Variants in HDHD2 observed in about 807,000 individuals in gnomAD.
HDHD2 encodes haloacid dehalogenase like hydrolase domain containing 2.
Under a neutral mutation model 24.8 loss-of-function variants are expected in HDHD2, and 26 were observed. The observed-to-expected ratio is 1.05, with a 90% CI of 0.77 to 1.45. The LOEUF (loss-of-function observed/expected upper bound fraction) is 1.45. Among genes scored for constraint, HDHD2 ranks in the 40% most tolerant of loss-of-function variants. HDHD2 has a pLI of 0.00. For synonymous variants in HDHD2, 128 were observed against 114.9 expected (o/e 1.11, Z -0.73); for missense variants, 299 against 313.4 (o/e 0.95, Z 0.35).
At chr18:47,134,192 TCAAA>T (rs1365145518) in intron 3 of HDHD2, among the ~76,000 whole-genome samples, 1 of 152,148 alleles carries the variant, frequency 6.6e-6, no homozygotes. Flanking sequence ...AGCATCATAA[TCAAA>T]CAATCAAACC....
rs1239085552 is a variant in HDHD2 at position 47,115,218 on chromosome 18, C to T, written c.526G>A (p.Val176Ile). Residue 176 changes from valine to isoleucine, a missense_variant, in exon 5 of 7, where the codon GTC (valine) becomes ATC (isoleucine). Coordinates refer to ENST00000300605, the MANE Select transcript of HDHD2 (RefSeq NM_032124.5). The part of the protein sequence containing the change: ...LEYATDTKAT[V>I]VGKPEKTFFL... ...AACGTCTTCTCTGGTTTCCCCACGA[C>T]TGTGGCTTTGGTATCTGTGGCATAC... 10 of 1,614,084 alleles carry T rather than the reference C, an allele frequency of 6.2e-6. 1 individual carries two copies. In the Admixed American group the frequency reaches 1.7e-4, roughly 27 times the overall value.
intron 6 of HDHD2, chr18:47,110,785 A>G (rs1599919039): frequency 2.1e-5 from 21 of 985,016 alleles, no homozygotes; most frequent in Non-Finnish European, 2.5e-5. Flanking sequence ...TTGATGATAT[A>G]TGAAGGCAAA....
At chr18:47,127,076 G>T (rs1448452464) in intron 4 of HDHD2, among the ~76,000 whole-genome samples, 1 of 152,064 alleles carries the variant, frequency 6.6e-6, no homozygotes, top group African/African-American at 2.4e-5. Context: ...CAGGAGAATG[G>T]CATGAACCCG....
chr18:47,131,394 G>A lies in HDHD2; in HGVS notation c.311-1066C>T, dbSNP rs1361267378. ...AGGCTTTCCAACTTCCTCCTTACCA[G>A]TAGCCATGAGTATTCTCCAGTAGTT... On this transcript the variant is annotated intron_variant, in intron 3 of 6. Coordinates refer to ENST00000300605, the MANE Select transcript of HDHD2 (RefSeq NM_032124.5). Among the ~76,000 whole-genome samples, 3 of 152,228 alleles carry A rather than the reference G, an allele frequency of 2.0e-5. No individual in the cohort carries two copies. In the East Asian group the frequency reaches 5.8e-4, roughly 29 times the overall value.
In HDHD2 at chr18:47,115,266, C is replaced by A. The variant is rs779781878; in HGVS notation, c.478G>T (p.Gly160Ter). ...TACTCTAAAGCAGTCACAAATGGTC[C>A]AGGCCCCAGGGCTAAGCCATCTTTC... ...KRKDGLALGP[G>*]PFVTALEYAT... Residue 160 changes from glycine to a stop codon, truncating the protein, a stop_gained, in exon 5 of 7, where the codon GGA becomes TGA. Coordinates refer to ENST00000300605, the MANE Select transcript of HDHD2 (RefSeq NM_032124.5). LOFTEE classifies it high-confidence loss of function. The A allele has an allele frequency of 1.2e-6, 2 of 1,613,948 alleles. No individual in the cohort carries two copies. Among genetic ancestry groups the A allele is most frequent in the Non-Finnish European group, 1.7e-6 (2 of 1,179,952 alleles).
At chr18:47,144,202 A>C (rs1420761971) in intron 1 of HDHD2, among the ~76,000 whole-genome samples, 1 of 152,186 alleles carries the variant, frequency 6.6e-6, no homozygotes, top group Non-Finnish European at 1.5e-5. Context: ...TTGGCTCCAA[A>C]CGTATCTGTC....
intron 1 of HDHD2, among the ~76,000 whole-genome samples, chr18:47,147,763 A>T (rs1235788629): frequency 6.6e-6 from 1 of 152,178 alleles, no homozygotes; most frequent in Non-Finnish European, 1.5e-5. Flanking sequence ...AAAACATTTT[A>T]AAAGCCTATA....
At chr18:47,122,414 T>A (rs1036386910) in intron 4 of HDHD2, among the ~76,000 whole-genome samples, 1 of 152,160 alleles carries the variant, frequency 6.6e-6, no homozygotes, top group Non-Finnish European at 1.5e-5. Context: ...CCCTGGCCTC[T>A]ACCCATCATG....
At chr18:47,144,235 CT>C (rs1195752564) in intron 1 of HDHD2, among the ~76,000 whole-genome samples, 3 of 152,142 alleles carry the variant, frequency 2.0e-5, no homozygotes, top group Non-Finnish European at 4.4e-5. Context: ...CTTAAGTTAT[CT>C]TTTTCCCCAT....
At chr18:47,146,347 C>T (rs1183714226) in intron 1 of HDHD2, among the ~76,000 whole-genome samples, 1 of 151,946 alleles carries the variant, frequency 6.6e-6, no homozygotes, top group Non-Finnish European at 1.5e-5. Flanking sequence ...CACCAACCTA[C>T]AGATGGGCAA....
rs1479918220 is a variant in HDHD2 at position 47,115,131 on chromosome 18, C to T, written c.612+1G>A. The T allele has an allele frequency of 6.2e-7, 1 of 1,610,754 alleles. No homozygotes were observed. The highest frequency in any genetic ancestry group is 8.5e-7 in the Non-Finnish European group (1 of 1,177,846). On this transcript the variant is annotated splice_donor_variant, in intron 5 of 6. Transcript: ENST00000300605. LOFTEE classifies it high-confidence loss of function. The stretch of plus-strand genomic sequence containing the variant: ...AGCACCTCCTGGGTTCTTCTACTTA[C>T]ATCTCCTATCATGACAGCCTCCTCA...
intron 1 of HDHD2, among the ~76,000 whole-genome samples, chr18:47,144,815 G>A (rs1416835112): frequency 3.7e-4 from 47 of 127,896 alleles, no homozygotes; most frequent in South Asian, 5.1e-4. Flanking sequence ...AAAAAAAAAA[G>A]AAAAGAAAAG....
At position 47,134,517 on chromosome 18, in the gene HDHD2, G is replaced by C. The variant is rs777943774; in HGVS notation, c.289C>G (p.Arg97Gly). ...QVRPMLLVDDRALPDFKGIQT... is the reference protein window; with the variant it reads ...QVRPMLLVDDGALPDFKGIQT... ...CTACCTTTGAAATCAGGTAGTGCCC[G>C]ATCATCAACTAGCAGCATGGGTCTG... Residue 97 changes from arginine to glycine, a missense_variant, in exon 3 of 7, where the codon CGG becomes GGG. Transcript: ENST00000300605. 2.7e-5 allele frequency: 44 copies of C among 1,613,786 alleles called. No individual in the cohort carries two copies. The highest frequency in any genetic ancestry group is 3.4e-5 in the Non-Finnish European group (40 of 1,179,848).
rs566618987 is a variant in HDHD2, at chr18:47,134,496, C to G, written c.310G>C (p.Gly104Arg). 7 of 1,611,702 alleles carry G rather than the reference C, an allele frequency of 4.3e-6. No individual in the cohort carries two copies. Among genetic ancestry groups the G allele is most frequent in the South Asian group, 1.1e-5 (1 of 90,756 alleles). Residue 104 changes from glycine (G) to arginine (R), a missense_variant and splice_region_variant, in exon 3 of 7, where the codon GGA becomes CGA. Gly to Arg is a moderately radical substitution (Grantham distance 125). Transcript: ENST00000300605. ...VDDRALPDFKGIQTSDPNAVV... is the reference protein window; with the variant it reads ...VDDRALPDFKRIQTSDPNAVV... ...TTTAAATTTTCCAAATTTCCCCTAC[C>G]TTTGAAATCAGGTAGTGCCCGATCA...
In HDHD2 at chr18:47,137,721, T is replaced by C. The variant is rs191987780; in HGVS notation, c.-10-1272A>G. 5.9e-5 allele frequency among the ~76,000 whole-genome samples: 9 copies of C among 152,284 alleles called. No homozygotes were observed. The East Asian group carries it at 1.5e-3, about 26-fold the overall frequency. Reference sequence around the variant, plus strand: ...GGAGAATTTTAATGTTTTTCATTTATCAATGTAAAACCAAAGACAATTTTA... The same window carrying C: ...GGAGAATTTTAATGTTTTTCATTTACCAATGTAAAACCAAAGACAATTTTA... On this transcript the variant is annotated intron_variant, in intron 1 of 6. Transcript: ENST00000300605.
At chr18:47,115,028 C>T (rs72905460) in intron 5 of HDHD2, 104 bp downstream of exon 5, 10,300 of 777,972 alleles carry the variant, frequency 0.013, 102 homozygotes, top group Non-Finnish European at 0.018. Context: ...ATACTGTCCA[C>T]ATTGTCAGTA....
intron 1 of HDHD2, among the ~76,000 whole-genome samples, chr18:47,148,656 T>C (rs1334562426): frequency 6.6e-6 from 1 of 152,244 alleles, no homozygotes; most frequent in Non-Finnish European, 1.5e-5. Flanking sequence ...TTATGAGTGG[T>C]TGGCAGCACC....
At chr18:47,131,381 T>C (rs1319518252) in intron 3 of HDHD2, among the ~76,000 whole-genome samples, 1 of 152,202 alleles carries the variant, frequency 6.6e-6, no homozygotes, top group Non-Finnish European at 1.5e-5. Context: ...GCTTTCCAAC[T>C]TCCTCCTTAC....
At chr18:47,111,195 C>T (rs62096468) in intron 6 of HDHD2, 12 of 985,048 alleles carry the variant, frequency 1.2e-5, no homozygotes, top group Admixed American at 6.2e-5. Flanking sequence ...GATTGTGTTA[C>T]GCTGATGGCT....
Sources: gnomAD v4.1 joint callset for allele counts (sites outside exome capture counted in the v4.1 genomes callset) on GRCh38, gnomAD v4.1.1 for gene constraint, MANE v1.5 for transcripts, NCBI Gene and HGNC (gene_info 2026-07-23, HGNC 2026-07-21) for gene names.